SGCG: variants seen among roughly 807,000 people sequenced by gnomAD.
SGCG encodes the protein gamma-sarcoglycan.
SGCG carries 26 observed loss-of-function variants against 29.3 expected under a neutral mutation model. The observed-to-expected ratio is 0.89, with a 90% CI of 0.65 to 1.23. The LOEUF (loss-of-function observed/expected upper bound fraction) is 1.23, where lower values mean the gene tolerates loss of function less well. Ranked by LOEUF, SGCG falls within the 50% of genes most tolerant of loss-of-function variation. The pLI, the probability that SGCG is intolerant of heterozygous loss-of-function variation, is 0.00. For synonymous variants in SGCG, 145 were observed against 129.7 expected (o/e 1.12, Z -0.80); for missense variants, 353 against 356.0 (o/e 0.99, Z 0.07).
chr13:23,259,489 A>C (rs1280089284), intron 4 of SGCG, among the ~76,000 whole-genome samples: 3 of 152,186 alleles, frequency 2.0e-5, no homozygotes, highest in Non-Finnish European at 2.9e-5. Flanking sequence ...TTTTCAAAAA[A>C]ACCAGCTCCT....
chr13:23,177,208 A>C (rs1205209628), upstream of SGCG, among the ~76,000 whole-genome samples: 1 of 152,148 alleles, frequency 6.6e-6, no homozygotes, highest in Non-Finnish European at 1.5e-5. Flanking sequence ...AATGATTACC[A>C]GAGAATGGGG....
At chr13:23,199,845 G>A (rs1461632740) in intron 1 of SGCG, among the ~76,000 whole-genome samples, 2 of 152,174 alleles carry the variant, frequency 1.3e-5, no homozygotes, top group Non-Finnish European at 2.9e-5. Context: ...TTCTTCCAGG[G>A]ATGTGGGGTC....
At position 23,248,154 on chromosome 13, in the gene SGCG, G is replaced by A. The variant is rs573815672; in HGVS notation, c.298-2476G>A. On this transcript the variant is annotated intron_variant, in intron 3 of 7. Coordinates refer to ENST00000218867, the MANE Select transcript of SGCG (RefSeq NM_000231.3). ...AAAAATGTAAGTATACACTCAAAAA[G>A]ATAAGCGAGATCTACACACCGAGTT... 5.1e-5 allele frequency among the ~76,000 whole-genome samples: 7 copies of A among 138,102 alleles called. No homozygotes were observed. In the East Asian group the frequency reaches 1.5e-3, roughly 29 times the overall value. 90.6% of individuals were successfully genotyped at this position (138,102 alleles called of 152,430 possible). A position where few individuals can be genotyped will look rare whatever the true frequency, so the allele number is the denominator to read the frequency against.
chr13:23,200,710 T>G (rs966547161), intron 1 of SGCG, among the ~76,000 whole-genome samples: 9 of 152,012 alleles, frequency 5.9e-5, no homozygotes, highest in Non-Finnish European at 1.3e-4. Flanking sequence ...TGTGGTGGTG[T>G]TGGTGGGGCC....
intron 5 of SGCG, among the ~76,000 whole-genome samples, chr13:23,292,587 T>C (rs1881757810): frequency 6.6e-6 from 1 of 152,224 alleles, no homozygotes; most frequent in Non-Finnish European, 1.5e-5. Context: ...TAGATTGCAG[T>C]CTCCAGTTTT....
At chr13:23,274,466 G>A (rs963870299) in intron 4 of SGCG, among the ~76,000 whole-genome samples, 5 of 134,482 alleles carry the variant, frequency 3.7e-5, no homozygotes, top group African/African-American at 5.6e-5. Context: ...GCAGTGGTGC[G>A]ATCTTGGCTC....
chr13:23,268,190 C>T (rs1024438152), intron 4 of SGCG: 11 of 152,348 alleles, frequency 7.2e-5, no homozygotes, highest in African/African-American at 2.7e-4. Flanking sequence ...GCAGCCTAAT[C>T]GAAGAGAAGT....
the SGCG span, among the ~76,000 whole-genome samples, chr13:23,162,106 C>G: frequency 2.0e-5 from 3 of 152,170 alleles, no homozygotes; most frequent in African/African-American, 7.2e-5. Context: ...CATTTTAAAA[C>G]TACTAAAACA....
At chr13:23,229,388 C>T (rs1879023036) in intron 2 of SGCG, among the ~76,000 whole-genome samples, 1 of 152,190 alleles carries the variant, frequency 6.6e-6, no homozygotes, top group Non-Finnish European at 1.5e-5. Context: ...CTGCTTTCCA[C>T]AATGCTTGAA....
chr13:23,166,730 T>G, the SGCG span, among the ~76,000 whole-genome samples: 1 of 152,188 alleles, frequency 6.6e-6, no homozygotes, highest in African/African-American at 2.4e-5. Flanking sequence ...ATCTCATTAT[T>G]CAGTGTTAGC....
chr13:23,223,095 G>A (rs935595427), intron 2 of SGCG, among the ~76,000 whole-genome samples: 11 of 151,898 alleles, frequency 7.2e-5, no homozygotes, highest in East Asian at 1.9e-4. Flanking sequence ...TGGCTAACAC[G>A]GTGAAACCCT....
the SGCG span, among the ~76,000 whole-genome samples, chr13:23,167,321 G>C: frequency 6.6e-6 from 1 of 152,156 alleles, no homozygotes; most frequent in African/African-American, 2.4e-5. Flanking sequence ...GATGAATATA[G>C]GTTGCTTCCA....
chr13:23,245,229 C>G (rs1879660979), intron 3 of SGCG: 1 of 152,136 alleles, frequency 6.6e-6, no homozygotes, highest in African/African-American at 2.4e-5. Context: ...AATGGCTTCT[C>G]TGGAGGAGGG....
At chr13:23,232,650 C>T (rs1312108272) in intron 2 of SGCG, among the ~76,000 whole-genome samples, 1 of 151,996 alleles carries the variant, frequency 6.6e-6, no homozygotes, top group African/African-American at 2.4e-5. Context: ...GGCGTGGTGG[C>T]AGGCACCTGT....
chr13:23,161,942 C>A, the SGCG span, among the ~76,000 whole-genome samples: 4 of 152,234 alleles, frequency 2.6e-5, no homozygotes, highest in African/African-American at 9.6e-5. Flanking sequence ...TGTGCCACGA[C>A]TGTACTCTGT....
chr13:23,288,932 G>T (rs993197104), intron 5 of SGCG, among the ~76,000 whole-genome samples: 2 of 152,154 alleles, frequency 1.3e-5, no homozygotes, highest in African/African-American at 4.8e-5. Context: ...TCTAGCAATA[G>T]TCCCAATTCC....
At chr13:23,224,665 T>TACACACACACACAC (rs60671278) in intron 2 of SGCG, among the ~76,000 whole-genome samples, 2,541 of 141,940 alleles carry the variant, frequency 0.018, 55 homozygotes, top group African/African-American at 0.052. Context: ...AGGGCACACA[T>TACACACACACACAC]ACACACACAC....
intron 2 of SGCG, among the ~76,000 whole-genome samples, chr13:23,218,397 A>G (rs1878513094): frequency 6.6e-6 from 1 of 152,160 alleles, no homozygotes; most frequent in Non-Finnish European, 1.5e-5. Context: ...GATTTCAGAA[A>G]GAGTTGGTGG....
rs138638726 is a variant in SGCG, at chr13:23,251,279, T to A, written c.385+562T>A. Among the ~76,000 whole-genome samples the A allele has an allele frequency of 2.2e-3, 330 of 152,300 alleles. 1 individual carries two copies. Among genetic ancestry groups the A allele is most frequent in the African/African-American group, 7.2e-3 (300 of 41,560 alleles). On this transcript the variant is annotated intron_variant, in intron 4 of 7. Coordinates refer to ENST00000218867, the MANE Select transcript of SGCG (RefSeq NM_000231.3). ...CAGTTTAGTCTTCAATTACGCAAAT[T>A]CTAAATCCACAAAGTACTCTAATTA... is the stretch of plus-strand genomic sequence containing the variant.
Sources: allele counts gnomAD v4.1 joint callset (sites outside exome capture counted in the v4.1 genomes callset), GRCh38; gene constraint gnomAD v4.1.1; transcripts MANE v1.5; gene names NCBI Gene and HGNC (gene_info 2026-07-23, HGNC 2026-07-21).